Variants in SLC9A5 observed in about 807,000 individuals in gnomAD.
SLC9A5 encodes the protein solute carrier family 9 member A5, also known as sodium/hydrogen exchanger 5.
A neutral mutation model predicts 91.7 loss-of-function variants in SLC9A5; 52 were observed. The observed-to-expected ratio is 0.57, with a 90% CI of 0.45 to 0.71. The LOEUF is 0.71. Ranked by LOEUF, SLC9A5 falls within the 30% of genes least tolerant of loss-of-function variation. SLC9A5 has a pLI of 0.00. For synonymous variants in SLC9A5, 419 were observed against 474.5 expected (o/e 0.88, Z 1.52); for missense variants, 871 against 1,158.9 (o/e 0.75, Z 3.61).
chr16:67,256,186 C>T lies in SLC9A5; in HGVS notation c.911+256C>T, dbSNP rs569742176. ...AAGTAGACTTTAAGGCCTGGGGCCA[C>T]CAGCTCTGGAGGCCGCAGCACTCCA... On this transcript the variant is annotated intron_variant, in intron 5 of 15. Coordinates refer to ENST00000299798, the MANE Select transcript of SLC9A5 (RefSeq NM_004594.3). This position sits in a 1 kb window ranked among gnomAD's most constrained non-coding sequence, Gnocchi z 4.1. 6.6e-6 allele frequency among the ~76,000 whole-genome samples: 1 copy of T among 152,302 alleles called. No individual in the cohort carries two copies. The highest frequency in any genetic ancestry group is 1.5e-5 in the Non-Finnish European group (1 of 68,024).
rs1000791430 is a variant in SLC9A5 at position 67,255,253 on chromosome 16, G to A, written c.654+69G>A. Reference sequence around the variant, plus strand: ...ATGCTCTGACCAACTAGGGGTCTGCGCAGACTCAGTCCCTTCCCTTGGGTC... The same window carrying A: ...ATGCTCTGACCAACTAGGGGTCTGCACAGACTCAGTCCCTTCCCTTGGGTC... On this transcript the variant is annotated intron_variant, in intron 3 of 15. Coordinates refer to ENST00000299798, the MANE Select transcript of SLC9A5 (RefSeq NM_004594.3). This position sits in a 1 kb window ranked among gnomAD's most constrained non-coding sequence, Gnocchi z 4.9. 9.3e-5 allele frequency: 146 copies of A among 1,567,842 alleles called. No homozygotes were observed. The highest frequency in any genetic ancestry group is 1.3e-4 in the East Asian group (6 of 44,456).
At chr16:67,259,318 C>G (rs1340534437) in intron 10 of SLC9A5, among the ~76,000 whole-genome samples, 3 of 129,970 alleles carry the variant, frequency 2.3e-5, no homozygotes, top group Non-Finnish European at 3.1e-5. Flanking sequence ...GAGCCGAGAT[C>G]GTGTCACTGC....
intron 1 of SLC9A5, among the ~76,000 whole-genome samples, chr16:67,250,775 T>A (rs2035084057): frequency 6.6e-6 from 1 of 152,150 alleles, no homozygotes; most frequent in African/African-American, 2.4e-5. Flanking sequence ...GGGTACAGCT[T>A]CCAAAGGGCA....
chr16:67,257,030 C>T lies in SLC9A5; in HGVS notation c.1252C>T (p.Leu418=), dbSNP rs189823810. The T allele has an allele frequency of 1.5e-5, 24 of 1,613,872 alleles. No homozygotes were observed. The East Asian group carries it at 4.0e-4, about 27-fold the overall frequency. ...RGAVAFALVI[L]LDRTKVPAKD... is the part of the protein sequence containing the mutation. ...GGCTGTGGCCTTTGCTCTCGTCATCCTACTGGATAGGACCAAGGTCCCTGC... is the reference window on the plus strand; with the variant it reads ...GGCTGTGGCCTTTGCTCTCGTCATCTTACTGGATAGGACCAAGGTCCCTGC... Residue 418 remains leucine, a synonymous_variant, in exon 7 of 16, where the codon CTA becomes TTA. Coordinates refer to ENST00000299798, the MANE Select transcript of SLC9A5 (RefSeq NM_004594.3). This position sits in a 1 kb window ranked among gnomAD's most constrained non-coding sequence, Gnocchi z 5.1.
In SLC9A5 at chr16:67,256,850, A is replaced by G; in HGVS notation, c.1133-61A>G. 1 of 1,551,634 alleles carries G rather than the reference A, an allele frequency of 6.4e-7. No homozygotes were observed. The highest frequency in any genetic ancestry group is 2.2e-4 in the Middle Eastern group (1 of 4,498). On this transcript the variant is annotated intron_variant, in intron 6 of 15. Transcript: ENST00000299798. The surrounding 1 kb of genome is among the most constrained non-coding windows in gnomAD (Gnocchi z 4.1). The stretch of plus-strand genomic sequence containing the variant: ...GACCTCAGCCCAGATACTTGGTCCC[A>G]TCCGGTCCCACGTCCTCCACTCCCA...
rs1347006306 is a variant in SLC9A5 at position 67,255,309 on chromosome 16, AC to A, written c.655-81del. The A allele has an allele frequency of 6.5e-7, 1 of 1,528,192 alleles. No homozygotes were observed. The highest frequency in any genetic ancestry group is 1.4e-5 in the African/African-American group (1 of 73,232). 94.7% of individuals were successfully genotyped at this position (1,528,192 alleles called of 1,614,324 possible). The stretch of plus-strand genomic sequence containing the variant: ...GGGCAGAAATATGCTGTCTGCTTTC[AC>A]CCTGCTCTCCCAGCAGTCTGTCTCC... On this transcript the variant is annotated intron_variant, in intron 3 of 15. Coordinates refer to ENST00000299798, the MANE Select transcript of SLC9A5 (RefSeq NM_004594.3). This position sits in a 1 kb window ranked among gnomAD's most constrained non-coding sequence, Gnocchi z 4.9.
chr16:67,260,441 G>A (rs2035495282), intron 12 of SLC9A5, among the ~76,000 whole-genome samples: 2 of 151,236 alleles, frequency 1.3e-5, no homozygotes, highest in Admixed American at 6.6e-5. Flanking sequence ...TTTGGAGAAA[G>A]GGTTGACCTA....
rs1567413223 is a variant in SLC9A5 at position 67,259,604 on chromosome 16, C to T, written c.1658C>T (p.Thr553Ile). 4.3e-6 allele frequency: 7 copies of T among 1,614,192 alleles called. No individual in the cohort carries two copies. The highest frequency in any genetic ancestry group is 5.9e-6 in the Non-Finnish European group (7 of 1,180,034). ...GGHVLSSTGLTLPSMPSRNSV... is the reference protein window; with the variant it reads ...GGHVLSSTGLILPSMPSRNSV... Reference sequence around the variant, plus strand: ...CACGTCTTGTCTTCCACAGGTCTCACTCTGCCTTCTATGCCCAGCCGCAAT... The same window carrying T: ...CACGTCTTGTCTTCCACAGGTCTCATTCTGCCTTCTATGCCCAGCCGCAAT... The change falls in exon 11 of 16, where the codon ACT becomes ATT. Residue 553 changes from threonine to isoleucine, a missense_variant. Around this residue, in one of 3 missense-constraint regions of SLC9A5, gnomAD observed 454 missense variants for 718.3 expected, o/e 0.63. Coordinates refer to ENST00000299798, the MANE Select transcript of SLC9A5 (RefSeq NM_004594.3).
At chr16:67,269,295 G>A (rs1288418328) in intron 15 of SLC9A5, among the ~76,000 whole-genome samples, 6 of 151,994 alleles carry the variant, frequency 3.9e-5, no homozygotes, top group Non-Finnish European at 1.5e-5. Context: ...AGCTAGGCAT[G>A]GTGGTGGGCA....
At chr16:67,268,658 T>TTTTATATATATATA (rs1309246335) in intron 15 of SLC9A5, among the ~76,000 whole-genome samples, 7 of 42,322 alleles carry the variant, frequency 1.7e-4, no homozygotes, top group African/African-American at 1.8e-4. Context: ...ATTTCCCTGA[T>TTTTATATATATATA]TATATATATA....
rs72054057 is a variant in SLC9A5, at chr16:67,268,176, C to CT, written c.2218+1969dup. ...ACAGGCACACACCATCATGCCCAGCCTTTTTTTTTTTTTTTTTTCTGGTAG... is the reference window on the plus strand; with the variant it reads ...ACAGGCACACACCATCATGCCCAGCCTTTTTTTTTTTTTTTTTTTCTGGTAG... On this transcript the variant is annotated intron_variant, in intron 15 of 15. Coordinates refer to ENST00000299798, the MANE Select transcript of SLC9A5 (RefSeq NM_004594.3). Among the ~76,000 whole-genome samples, 315 of 128,964 alleles carry CT rather than the reference C, an allele frequency of 2.4e-3. 1 individual carries two copies. The highest frequency in any genetic ancestry group is 4.9e-3 in the East Asian group (22 of 4,496). The allele number at this position is 128,964 out of a possible 152,430, so 84.6% of individuals were successfully genotyped here. A position where few individuals can be genotyped will look rare whatever the true frequency, so the allele number is the denominator to read the frequency against.
intron 12 of SLC9A5, chr16:67,262,386 G>A (rs1024694449): frequency 7.6e-6 from 3 of 397,078 alleles, no homozygotes; most frequent in East Asian, 7.3e-5. Flanking sequence ...GAGAGACAGA[G>A]ATATCTAGTT....
Position 67,270,054 on chromosome 16 carries a change from C to T in SLC9A5, c.2219-684C>T, listed in dbSNP as rs867801508. ...CTTTCTTTCCCTCTCTGGTGGCTGG[C>T]GTTTCTCCCTCGCTGGTTGGCTGGG... On this transcript the variant is annotated intron_variant, in intron 15 of 15. Coordinates refer to ENST00000299798, the MANE Select transcript of SLC9A5 (RefSeq NM_004594.3). The surrounding 1 kb of genome is among the most constrained non-coding windows in gnomAD (Gnocchi z 4.3). 2.0e-5 allele frequency among the ~76,000 whole-genome samples: 3 copies of T among 152,034 alleles called. No homozygotes were observed. Among genetic ancestry groups the T allele is most frequent in the Admixed American group, 6.6e-5 (1 of 15,260 alleles).
At position 67,268,661 on chromosome 16, in the gene SLC9A5, TATA is replaced by T. The variant is rs1567421341; in HGVS notation, c.2219-2076_2219-2074del. Among the ~76,000 whole-genome samples the T allele has an allele frequency of 2.3e-3, 38 of 16,810 alleles. 1 individual carries two copies. Among genetic ancestry groups the T allele is most frequent in the African/African-American group, 6.4e-3 (18 of 2,806 alleles). 11.0% of individuals were successfully genotyped at this position (16,810 alleles called of 152,430 possible). ...AACATCGTTCAAATTTCCCTGATTATATATATATATATATATATATATATATAT... is the reference window on the plus strand; with the variant it reads ...AACATCGTTCAAATTTCCCTGATTATTATATATATATATATATATATATAT... On this transcript the variant is annotated intron_variant, in intron 15 of 15. Coordinates refer to ENST00000299798, the MANE Select transcript of SLC9A5 (RefSeq NM_004594.3).
In SLC9A5 at chr16:67,255,253, G is replaced by T. The variant is rs1000791430; in HGVS notation, c.654+69G>T. The T allele has an allele frequency of 6.4e-7, 1 of 1,567,842 alleles. No homozygotes were observed. Among genetic ancestry groups the T allele is most frequent in the Non-Finnish European group, 8.7e-7 (1 of 1,148,690 alleles). On this transcript the variant is annotated intron_variant, in intron 3 of 15. Coordinates refer to ENST00000299798, the MANE Select transcript of SLC9A5 (RefSeq NM_004594.3). This position sits in a 1 kb window ranked among gnomAD's most constrained non-coding sequence, Gnocchi z 4.9. ...ATGCTCTGACCAACTAGGGGTCTGC[G>T]CAGACTCAGTCCCTTCCCTTGGGTC...
rs1428023089 is a variant in SLC9A5 at position 67,271,419 on chromosome 16, TTC to T, written c.*211_*212del. On this transcript the variant is annotated 3_prime_UTR_variant, in exon 16 of 16. Transcript: ENST00000299798. ...CTCCCTGCTCCTAACCCCTGCCACT[TTC>T]TGTTTCATTAAGGCCTCTACTCTGG... The T allele has an allele frequency of 1.7e-6, 1 of 592,728 alleles. No individual in the cohort carries two copies. Among genetic ancestry groups the T allele is most frequent in the East Asian group, 2.8e-5 (1 of 35,842 alleles). 36.7% of individuals were successfully genotyped at this position (592,728 alleles called of 1,614,324 possible). A position where few individuals can be genotyped will look rare whatever the true frequency, so the allele number is the denominator to read the frequency against.
At chr16:67,264,997 G>A (rs1402175201) in intron 13 of SLC9A5, 43 bp from the exon 14 acceptor site, 1 of 1,607,498 alleles carries the variant, frequency 6.2e-7, no homozygotes, top group Admixed American at 1.7e-5. Flanking sequence ...GTTGGGGTGG[G>A]AAGCCGGGGC....
At position 67,256,310 on chromosome 16, in the gene SLC9A5, C is replaced by T. The variant is rs777939072; in HGVS notation, c.912-159C>T. On this transcript the variant is annotated intron_variant, in intron 5 of 15. Coordinates refer to ENST00000299798, the MANE Select transcript of SLC9A5 (RefSeq NM_004594.3). The surrounding 1 kb of genome is among the most constrained non-coding windows in gnomAD (Gnocchi z 4.1). Reference sequence around the variant, plus strand: ...AGCCTGGAGATCTGGACTCTTAGCCCAGCACTACCATTCAAGTCTTCAGGC... The same window carrying T: ...AGCCTGGAGATCTGGACTCTTAGCCTAGCACTACCATTCAAGTCTTCAGGC... Among the ~76,000 whole-genome samples the T allele has an allele frequency of 6.6e-6, 1 of 152,168 alleles. No homozygotes were observed. The highest frequency in any genetic ancestry group is 1.5e-5 in the Non-Finnish European group (1 of 68,022).
At chr16:67,259,710 CCTCT>C in intron 11 of SLC9A5, 49 bp downstream of exon 11, 3 of 1,596,708 alleles carry the variant, frequency 1.9e-6, no homozygotes, top group East Asian at 2.2e-5. Flanking sequence ...TCCATTGTGC[CCTCT>C]CTCTGAGTCC....
Sources: gnomAD v4.1 joint callset for allele counts (sites outside exome capture counted in the v4.1 genomes callset) on GRCh38, gnomAD v4.1.1 for gene constraint, gnomAD v4.1.1 regional missense constraint, Gnocchi (gnomAD v3.1) non-coding constraint, MANE v1.5 for transcripts, NCBI Gene and HGNC (gene_info 2026-07-23, HGNC 2026-07-21) for gene names.